ZNF143: variants seen among roughly 807,000 people sequenced by gnomAD.
The protein encoded by ZNF143 is zinc finger protein 143.
In ZNF143, 49 loss-of-function variants were observed where a neutral mutation model predicts 74.1. That is an observed-to-expected ratio of 0.66 (90% CI 0.53 to 0.84). ZNF143 has a LOEUF of 0.84. ZNF143 is among the 40% of genes least tolerant of loss of function. The probability of loss-of-function intolerance (pLI) is 0.00; values close to 1 mark genes in which losing one functional copy is unlikely to be tolerated. For missense variants in ZNF143, 637 were observed against 793.4 expected, an observed-to-expected ratio of 0.80 and a Z score of 2.37; for synonymous variants, 304 against 282.8, an observed-to-expected ratio of 1.07 and a Z score of -0.75.
chr11:9,512,891 A>G (rs1279655958), intron 13 of ZNF143, among the ~76,000 whole-genome samples: 2 of 152,178 alleles, frequency 1.3e-5, no homozygotes, highest in Non-Finnish European at 2.9e-5. Flanking sequence ...TGAAACACAG[A>G]TCAGAAAAGG....
chr11:9,461,121 C>T, intron 1 of ZNF143, 45 bp downstream of exon 1: 2 of 981,552 alleles, frequency 2.0e-6, no homozygotes, highest in African/African-American at 3.5e-5. Context: ...TTATTCTCCG[C>T]CTGGCCGCCG....
Position 9,479,558 on chromosome 11 carries a change from T to C in ZNF143, c.645+12T>C, listed in dbSNP as rs2133923048. On this transcript the variant is annotated intron_variant, in intron 7 of 15. Coordinates refer to ENST00000396602, the MANE Select transcript of ZNF143 (RefSeq NM_003442.6). ...AGAAAAAAATGCAGGTATGTAAAGC[T>C]ACTTTTTAATATAAAAATCTAGCTT... The C allele has an allele frequency of 6.2e-7, 1 of 1,605,254 alleles. No homozygotes were observed. Among genetic ancestry groups the C allele is most frequent in the Non-Finnish European group, 8.5e-7 (1 of 1,174,926 alleles).
chr11:9,521,557 G>A (rs572238982), intron 14 of ZNF143, among the ~76,000 whole-genome samples: 18 of 151,442 alleles, frequency 1.2e-4, no homozygotes, highest in African/African-American at 4.4e-4. Flanking sequence ...TTCTTTTTGC[G>A]GAGGTTTTTT....
chr11:9,474,117 T>A, intron 4 of ZNF143, 93 bp downstream of exon 4: 1 of 1,021,050 alleles, frequency 9.8e-7, no homozygotes, highest in Non-Finnish European at 1.5e-6. Context: ...CTAAACTTGG[T>A]CTTGTTCTCA....
In ZNF143 at chr11:9,505,309, G is replaced by A. The variant is rs143424079; in HGVS notation, c.1148-3310G>A. On this transcript the variant is annotated intron_variant, in intron 11 of 15. Transcript: ENST00000396602. ...TTTTGAGATGGAGTCTCGCTCTGTC[G>A]CTCAGGCTGGAGTGCAGTGTCGTGA... is the stretch of plus-strand genomic sequence containing the variant. 3.3e-3 allele frequency among the ~76,000 whole-genome samples: 486 copies of A among 147,514 alleles called. 1 individual carries two copies. The highest frequency in any genetic ancestry group is 4.8e-3 in the Non-Finnish European group (321 of 66,836).
At position 9,527,708 on chromosome 11, in the gene ZNF143, C is replaced by A; in HGVS notation, c.*95C>A. ...CGGGCCCAGGAAAATTAGAAGTTTT[C>A]CATTCCTGATACACTGTACACATTT... On this transcript the variant is annotated 3_prime_UTR_variant, in exon 16 of 16. Transcript: ENST00000396602. 1 of 1,145,454 alleles carries A rather than the reference C, an allele frequency of 8.7e-7. No homozygotes were observed. The allele number at this position is 1,145,454 out of a possible 1,614,324, so 71.0% of individuals were successfully genotyped here.
intron 13 of ZNF143, among the ~76,000 whole-genome samples, chr11:9,515,122 C>A (rs140101267): frequency 6.6e-6 from 1 of 151,386 alleles, no homozygotes; most frequent in Admixed American, 6.6e-5. Flanking sequence ...GAGTGAAACT[C>A]CTCAAAAAAA....
At chr11:9,525,198 G>T in intron 14 of ZNF143, 42 bp from the exon 15 acceptor site, 1 of 1,611,604 alleles carries the variant, frequency 6.2e-7, no homozygotes, top group Non-Finnish European at 8.5e-7. Context: ...TAAATCGCAG[G>T]TTTAATTCTT....
At chr11:9,488,091 T>G (rs536075728) in intron 7 of ZNF143, among the ~76,000 whole-genome samples, 2 of 152,218 alleles carry the variant, frequency 1.3e-5, no homozygotes, top group South Asian at 4.1e-4. Flanking sequence ...GTTCTCTTTC[T>G]AAAACGCAGA....
At chr11:9,512,643 T>C in intron 13 of ZNF143, 47 bp downstream of exon 13, 6 of 1,606,842 alleles carry the variant, frequency 3.7e-6, no homozygotes, top group Non-Finnish European at 4.3e-6. Flanking sequence ...TCTGTGAACC[T>C]GGGCTTGAAA....
chr11:9,519,379 C>T (rs1327386641), intron 14 of ZNF143, among the ~76,000 whole-genome samples: 1 of 152,158 alleles, frequency 6.6e-6, no homozygotes, highest in African/African-American at 2.4e-5. Flanking sequence ...CTCCGGACCT[C>T]AAGTGATCTG....
At chr11:9,470,337 A>G (rs531385965) in intron 1 of ZNF143, among the ~76,000 whole-genome samples, 3 of 152,348 alleles carry the variant, frequency 2.0e-5, no homozygotes, top group South Asian at 4.1e-4. Flanking sequence ...AAATAGATAA[A>G]CTAAATACAT....
rs529224616 is a variant in ZNF143, at chr11:9,496,594, T to C, written c.841+216T>C. On this transcript the variant is annotated intron_variant, in intron 9 of 15. Coordinates refer to ENST00000396602, the MANE Select transcript of ZNF143 (RefSeq NM_003442.6). ...GTCTCTGCCTGCTGTGTTTTCTTTT[T>C]CTTTTTCTTTTTCTTTTTTTTTGAG... Among the ~76,000 whole-genome samples, 15 of 142,300 alleles carry C rather than the reference T, an allele frequency of 1.1e-4. No individual in the cohort carries two copies. In the South Asian group the frequency reaches 3.1e-3, roughly 30 times the overall value. 93.4% of individuals were successfully genotyped at this position (142,300 alleles called of 152,430 possible). A position where few individuals can be genotyped will look rare whatever the true frequency, so the allele number is the denominator to read the frequency against.
At chr11:9,473,870 T>C (rs775202892) in intron 3 of ZNF143, 71 bp from the exon 4 acceptor site, 16 of 1,612,700 alleles carry the variant, frequency 9.9e-6, no homozygotes, top group Middle Eastern at 1.6e-4. Flanking sequence ...ATAGTTGATA[T>C]CATTTTGAAA....
intron 7 of ZNF143, among the ~76,000 whole-genome samples, chr11:9,490,581 C>T (rs1312689291): frequency 6.6e-6 from 1 of 151,674 alleles, no homozygotes; most frequent in Non-Finnish European, 1.5e-5. Flanking sequence ...GCTGCCGTGC[C>T]TGGTAGAACT....
chr11:9,501,393 A>T, intron 11 of ZNF143, 123 bp downstream of exon 11: 1 of 1,164,322 alleles, frequency 8.6e-7, no homozygotes, highest in Non-Finnish European at 1.2e-6. Flanking sequence ...GTGGAAAGAG[A>T]TTAAGCAACT....
At chr11:9,469,517 C>G (rs1856450518) in intron 1 of ZNF143, among the ~76,000 whole-genome samples, 1 of 151,818 alleles carries the variant, frequency 6.6e-6, no homozygotes, top group Non-Finnish European at 1.5e-5. Flanking sequence ...CAGGCATGAG[C>G]CACCGCGTGC....
chr11:9,498,421 A>T (rs1004703268), intron 10 of ZNF143, among the ~76,000 whole-genome samples: 5 of 152,212 alleles, frequency 3.3e-5, no homozygotes, highest in African/African-American at 1.2e-4. Flanking sequence ...AGCCGAGCTG[A>T]GACAGAACCT....
rs1338580403 is a variant in ZNF143 at position 9,527,563 on chromosome 11, A to G, written c.1867A>G (p.Arg623Gly). Residue 623 changes from arginine (R) to glycine (G), a missense_variant, in exon 16 of 16, where the codon AGA becomes GGA. By Grantham distance (125) the Arg-to-Gly change is moderately radical. Transcript: ENST00000396602. Reference protein sequence around the residue: ...GEQPSLEEAIRIASRIQQGET... With the variant: ...GEQPSLEEAIGIASRIQQGET... Reference sequence around the variant, plus strand: ...ACAGCCATCTCTGGAAGAAGCCATCAGAATAGCGTCTAGAATCCAACAAGG... The same window carrying G: ...ACAGCCATCTCTGGAAGAAGCCATCGGAATAGCGTCTAGAATCCAACAAGG... The G allele has an allele frequency of 6.2e-7, 1 of 1,614,160 alleles. No individual in the cohort carries two copies. Among genetic ancestry groups the G allele is most frequent in the South Asian group, 1.1e-5 (1 of 91,084 alleles).
Sources: gnomAD v4.1 joint callset for allele counts (sites outside exome capture counted in the v4.1 genomes callset) on GRCh38, gnomAD v4.1.1 for gene constraint, MANE v1.5 for transcripts, NCBI Gene and HGNC (gene_info 2026-07-23, HGNC 2026-07-21) for gene names.